The following CD163L1 variants were observed in gnomAD, a reference collection of about 807,000 sequenced individuals.
The protein encoded by CD163L1 is scavenger receptor cysteine-rich type 1 protein M160.
Under a neutral mutation model 165.4 loss-of-function variants are expected in CD163L1, and 124 were observed. That is an observed-to-expected ratio of 0.75 (90% CI 0.65 to 0.87). The LOEUF (loss-of-function observed/expected upper bound fraction) is 0.87. Ranked by LOEUF, CD163L1 falls within the 40% of genes least tolerant of loss-of-function variation. CD163L1 has a pLI of 0.00. For synonymous variants in CD163L1, 585 were observed against 662.2 expected (o/e 0.88, Z 1.79); for missense variants, 1,525 against 1,799.9 (o/e 0.85, Z 2.76).
In CD163L1 at chr12:7,347,970, T is replaced by C. The variant is rs1182456648; in HGVS notation, c.*25-823A>G. Among the ~76,000 whole-genome samples, 1 of 152,222 alleles carries C rather than the reference T, an allele frequency of 6.6e-6. No individual in the cohort carries two copies. The highest frequency in any genetic ancestry group is 1.5e-5 in the Non-Finnish European group (1 of 68,030). ...TCCACAAACCCACATTTTTCTTCTT[T>C]AAATATTTACTACTTTGCATCATTA... On this transcript the variant is annotated intron_variant, in intron 4 of 4. Transcript: ENST00000539726. The surrounding 1 kb of genome is among the most constrained non-coding windows in gnomAD (Gnocchi z 4.2).
chr12:7,380,758 G>A (rs1007894735), intron 8 of CD163L1, among the ~76,000 whole-genome samples: 2 of 151,962 alleles, frequency 1.3e-5, no homozygotes, highest in African/African-American at 4.8e-5. Flanking sequence ...ATTACCATCT[G>A]TTCCCTAAAA....
intron 17 of CD163L1, 195 bp from the exon 18 acceptor site, chr12:7,367,526 C>T: frequency 2.3e-6 from 1 of 438,126 alleles, no homozygotes; most frequent in Admixed American, 3.4e-5. Context: ...GATATTCTTC[C>T]ACTTTTATTA....
downstream of CD163L1, among the ~76,000 whole-genome samples, chr12:7,342,600 G>A (rs1303169172): frequency 6.6e-6 from 1 of 152,146 alleles, no homozygotes. Context: ...CCCCAACCGA[G>A]CTGGTCTCAG....
chr12:7,378,787 T>C (rs1947323832), intron 9 of CD163L1, among the ~76,000 whole-genome samples, 191 bp downstream of exon 9: 1 of 152,210 alleles, frequency 6.6e-6, no homozygotes, highest in Admixed American at 6.5e-5. Context: ...CTTCACGCAA[T>C]TTTAAATAAA....
At chr12:7,439,950 G>A in intron 2 of CD163L1, 2 of 1,579,772 alleles carry the variant, frequency 1.3e-6, no homozygotes, top group Non-Finnish European at 1.7e-6. Context: ...CTGACACAGG[G>A]GCTGCGGTCA....
intron 4 of CD163L1, among the ~76,000 whole-genome samples, chr12:7,429,877 C>G (rs182277875): frequency 4.6e-5 from 7 of 152,074 alleles, no homozygotes; most frequent in African/African-American, 1.7e-4. Flanking sequence ...TCAAAGAATA[C>G]CCTTGCCTAT....
intron 18 of CD163L1, among the ~76,000 whole-genome samples, chr12:7,363,063 G>T (rs1946939267): frequency 6.6e-6 from 1 of 151,962 alleles, no homozygotes; most frequent in South Asian, 2.1e-4. Context: ...TACTAAGAGG[G>T]ACGTTTATAG....
intron 8 of CD163L1, among the ~76,000 whole-genome samples, chr12:7,394,098 A>C (rs1238400086): frequency 6.8e-6 from 1 of 147,944 alleles, no homozygotes; most frequent in East Asian, 2.0e-4. Context: ...ACCAAAAAAA[A>C]ACAAAAACAA....
chr12:7,323,547 T>TC, the CD163L1 span: 1 of 1,613,192 alleles, frequency 6.2e-7, no homozygotes. Context: ...TTCTGTTTCT[T>TC]CTCTAAATAT....
At chr12:7,391,676 G>C (rs1343601792) in intron 8 of CD163L1, among the ~76,000 whole-genome samples, 1 of 151,980 alleles carries the variant, frequency 6.6e-6, no homozygotes, top group Non-Finnish European at 1.5e-5. Context: ...GTATTCAGGA[G>C]ACCCATCACC....
chr12:7,433,742 G>T (rs1401466850), intron 2 of CD163L1, 48 bp from the exon 3 acceptor site: 1 of 1,404,276 alleles, frequency 7.1e-7, no homozygotes, highest in Non-Finnish European at 9.8e-7. Flanking sequence ...AGATTAGAAG[G>T]CAGAAATAAT....
At chr12:7,358,831 G>C (rs1390016826) in intron 18 of CD163L1, among the ~76,000 whole-genome samples, 1 of 152,052 alleles carries the variant, frequency 6.6e-6, no homozygotes, top group Non-Finnish European at 1.5e-5. Context: ...AATGTGTTAT[G>C]GGATCTAAAG....
At chr12:7,389,020 G>C (rs1019868448) in intron 8 of CD163L1, among the ~76,000 whole-genome samples, 4 of 152,186 alleles carry the variant, frequency 2.6e-5, no homozygotes, top group Non-Finnish European at 5.9e-5. Flanking sequence ...TGGACACTTA[G>C]ATTGCTTCCA....
chr12:7,342,077 A>T (rs1946641123), downstream of CD163L1, among the ~76,000 whole-genome samples: 1 of 152,180 alleles, frequency 6.6e-6, no homozygotes, highest in African/African-American at 2.4e-5. Flanking sequence ...GTCACACAGA[A>T]ATATCACCCA....
At chr12:7,324,194 T>C in the CD163L1 span, 2 of 1,519,554 alleles carry the variant, frequency 1.3e-6, no homozygotes, top group East Asian at 2.3e-5. Context: ...GGATGTGTAA[T>C]GTACTAGTCA....
the CD163L1 span, among the ~76,000 whole-genome samples, chr12:7,325,610 G>A: frequency 6.6e-6 from 1 of 152,130 alleles, no homozygotes; most frequent in Non-Finnish European, 1.5e-5. Flanking sequence ...TTGCACCACT[G>A]TACTCCAGCC....
the CD163L1 span, chr12:7,322,401 C>A: frequency 6.2e-7 from 1 of 1,613,214 alleles, no homozygotes; most frequent in Non-Finnish European, 8.5e-7. Context: ...AAGACCCATG[C>A]AACTCTGTCT....
chr12:7,357,801 T>C (rs1173154155), intron 18 of CD163L1, among the ~76,000 whole-genome samples: 2 of 152,132 alleles, frequency 1.3e-5, no homozygotes, highest in Admixed American at 6.6e-5. Flanking sequence ...TAAAACTCAA[T>C]GGTAAGCATC....
chr12:7,363,151 A>G (rs1946941764), intron 18 of CD163L1, among the ~76,000 whole-genome samples: 1 of 151,996 alleles, frequency 6.6e-6, no homozygotes, highest in Non-Finnish European at 1.5e-5. Context: ...CTAAAAATAC[A>G]AAAAAATATT....
Sources: allele counts gnomAD v4.1 joint callset (sites outside exome capture counted in the v4.1 genomes callset), GRCh38; gene constraint gnomAD v4.1.1; non-coding constraint Gnocchi (gnomAD v3.1); transcripts MANE v1.5; gene names NCBI Gene and HGNC (gene_info 2026-07-23, HGNC 2026-07-21).